ATP2C2: variants seen among roughly 807,000 people sequenced by gnomAD.
ATP2C2 encodes the protein calcium-transporting ATPase type 2C member 2.
A neutral mutation model predicts 110.8 loss-of-function variants in ATP2C2; 171 were observed. The ratio of observed to expected loss-of-function variants is 1.54; its 90% CI spans 1.36 to 1.75. The LOEUF is 1.75. Among genes scored for constraint, ATP2C2 ranks in the 40% most tolerant of loss-of-function variants. The pLI, the probability that ATP2C2 is intolerant of heterozygous loss-of-function variation, is 0.00. For synonymous variants in ATP2C2, 804 were observed against 508.4 expected (o/e 1.58, Z -7.82); for missense variants, 1,963 against 1,235.0 (o/e 1.59, Z -8.84).
intron 17 of ATP2C2, among the ~76,000 whole-genome samples, chr16:84,449,086 G>T (rs1490835247): frequency 6.8e-6 from 1 of 148,120 alleles, no homozygotes; most frequent in Admixed American, 6.7e-5. Context: ...AGCAGAGCCA[G>T]TGCCATCCCT....
At position 84,461,968 on chromosome 16, in the gene ATP2C2, G is replaced by C. The variant is rs187359571; in HGVS notation, c.2581-20G>C. On this transcript the variant is annotated intron_variant, in intron 25 of 26. Coordinates refer to ENST00000262429, the MANE Select transcript of ATP2C2 (RefSeq NM_014861.4). ...GGGTGTGGACAGCACACAATCCCCC[G>C]TGTGACCTTCTCCCTGCAGACCAAG... 2.5e-6 allele frequency: 4 copies of C among 1,611,924 alleles called. No homozygotes were observed. The highest frequency in any genetic ancestry group is 3.4e-6 in the Non-Finnish European group (4 of 1,178,430).
chr16:84,405,565 G>A (rs1905693247), intron 3 of ATP2C2, among the ~76,000 whole-genome samples: 1 of 152,206 alleles, frequency 6.6e-6, no homozygotes, highest in Admixed American at 6.5e-5. Context: ...AAGTGCAGAG[G>A]TTGAAAGATT....
In ATP2C2 at chr16:84,453,150, G is replaced by C. The variant is rs1910452469; in HGVS notation, c.1844G>C (p.Gly615Ala). The C allele has an allele frequency of 1.9e-6, 3 of 1,612,534 alleles. No individual in the cohort carries two copies. Among genetic ancestry groups the C allele is most frequent in the African/African-American group, 2.7e-5 (2 of 74,850 alleles). Residue 615 changes from glycine (G) to alanine (A), a missense_variant, in exon 19 of 27, where the codon GGC becomes GCC. By Grantham distance (60) the Gly-to-Ala change is moderately conservative. Coordinates refer to ENST00000262429, the MANE Select transcript of ATP2C2 (RefSeq NM_014861.4). ...GGTTCTTCTGAAGGAAGAAACATCG[G>C]CCTGTGCAACGGGAAGCTGCAAGCC... ...ETALAIGRNI[G>A]LCNGKLQAMS...
chr16:84,400,427 C>T (rs541653731), intron 2 of ATP2C2, among the ~76,000 whole-genome samples: 107 of 151,632 alleles, frequency 7.1e-4, no homozygotes, highest in Middle Eastern at 3.4e-3. Context: ...CCTGGGTTCA[C>T]GCCATTCTTC....
chr16:84,415,691 A>C, intron 7 of ATP2C2, 100 bp downstream of exon 7: 1 of 891,484 alleles, frequency 1.1e-6, no homozygotes, highest in Non-Finnish European at 1.7e-6. Context: ...TCTCATACAC[A>C]CATGCTCAAA....
At chr16:84,395,276 C>G (rs972262181) in intron 1 of ATP2C2, among the ~76,000 whole-genome samples, 6 of 152,100 alleles carry the variant, frequency 3.9e-5, no homozygotes, top group East Asian at 1.9e-4. Flanking sequence ...ATCCAACCCC[C>G]TCTCCCCTCC....
chr16:84,438,456 C>T (rs945710472), intron 11 of ATP2C2, among the ~76,000 whole-genome samples: 1 of 152,216 alleles, frequency 6.6e-6, no homozygotes. Context: ...CCTGTTGACA[C>T]ACCCAGAGAA....
chr16:84,450,995 C>A (rs529672351), intron 17 of ATP2C2, among the ~76,000 whole-genome samples: 1 of 152,254 alleles, frequency 6.6e-6, no homozygotes, highest in South Asian at 2.1e-4. Flanking sequence ...TGGGGTGGGT[C>A]TTATACCATG....
intron 26 of ATP2C2, chr16:84,462,332 G>C (rs527820587): frequency 4.6e-6 from 3 of 647,430 alleles, no homozygotes; most frequent in African/African-American, 3.6e-5. Flanking sequence ...GAAACCCCTA[G>C]GAAGAGGCCT....
intron 7 of ATP2C2, among the ~76,000 whole-genome samples, chr16:84,421,158 G>A (rs917789897): frequency 3.3e-5 from 5 of 152,170 alleles, no homozygotes; most frequent in Admixed American, 2.0e-4. Context: ...AATGTTCTTT[G>A]AGCCTCCTTC....
chr16:84,453,309 C>G lies in ATP2C2; in HGVS notation c.1930-12C>G. ...AAATCTGATTCTTCGTCTTCCCCGT[C>G]TCCGTGTCCAGGTGTCCGTGTTCTT... is the stretch of plus-strand genomic sequence containing the variant. On this transcript the variant is annotated splice_polypyrimidine_tract_variant and intron_variant, in intron 19 of 26. Coordinates refer to ENST00000262429, the MANE Select transcript of ATP2C2 (RefSeq NM_014861.4). 6.2e-7 allele frequency: 1 copy of G among 1,614,168 alleles called. No homozygotes were observed. Among genetic ancestry groups the G allele is most frequent in the Non-Finnish European group, 8.5e-7 (1 of 1,180,022 alleles).
Position 84,441,669 on chromosome 16 carries a change from C to G in ATP2C2, c.1311+711C>G, listed in dbSNP as rs144702881. ...GGCGTGGTGGCTCATGCCTATAATCCCAGCACTTTGGGAGGCCAAGGCGGG... is the reference window on the plus strand; with the variant it reads ...GGCGTGGTGGCTCATGCCTATAATCGCAGCACTTTGGGAGGCCAAGGCGGG... On this transcript the variant is annotated intron_variant, in intron 14 of 26. Coordinates refer to ENST00000262429, the MANE Select transcript of ATP2C2 (RefSeq NM_014861.4). 7.5e-3 allele frequency among the ~76,000 whole-genome samples: 1,148 copies of G among 152,324 alleles called. 4 individuals are homozygous for G. Among genetic ancestry groups the G allele is most frequent in the Middle Eastern group, 0.02 (6 of 294 alleles).
intron 18 of ATP2C2, among the ~76,000 whole-genome samples, chr16:84,452,732 CAG>C (rs1435372839): frequency 6.6e-6 from 1 of 152,062 alleles, no homozygotes; most frequent in African/African-American, 2.4e-5. Flanking sequence ...CTCCTGAACT[CAG>C]GGAATCTGCC....
rs779607597 is a variant in ATP2C2, at chr16:84,446,430, G to A, written c.1503G>A (p.Glu501=). Residue 501 remains glutamate, a splice_region_variant and synonymous_variant, in exon 16 of 27, where the codon GAG becomes GAA. Coordinates refer to ENST00000262429, the MANE Select transcript of ATP2C2 (RefSeq NM_014861.4). Reference sequence around the variant, plus strand: ...CGGTGAAATGCAGTCTGAAGACTGAGGTGAGACCTTTCAATCTTCAACCTC... The same window carrying A: ...CGGTGAAATGCAGTCTGAAGACTGAAGTGAGACCTTTCAATCTTCAACCTC... ...WMAVKCSLKT[E]DQEDIYFMKG... is the part of the protein sequence containing the mutation. 6 of 1,580,704 alleles carry A rather than the reference G, an allele frequency of 3.8e-6. No homozygotes were observed. The African/African-American group carries it at 8.2e-5, about 22-fold the overall frequency.
At position 84,463,739 on chromosome 16, in the gene ATP2C2, G is replaced by A. The variant is rs184733492; in HGVS notation, c.*7G>A. ...GCACCCTGAAGATGTGTAGTGGACC[G>A]CACTCCGCGGCACCTTCCCTAATCA... is the stretch of plus-strand genomic sequence containing the variant. On this transcript the variant is annotated 3_prime_UTR_variant, in exon 27 of 27. Transcript: ENST00000262429. The A allele has an allele frequency of 5.0e-5, 80 of 1,590,466 alleles. No homozygotes were observed. Among genetic ancestry groups the A allele is most frequent in the Admixed American group, 3.2e-4 (19 of 59,894 alleles).
At chr16:84,389,848 G>A (rs951222595) in intron 1 of ATP2C2, among the ~76,000 whole-genome samples, 1 of 151,706 alleles carries the variant, frequency 6.6e-6, no homozygotes, top group Non-Finnish European at 1.5e-5. Context: ...AGCCTCCCGA[G>A]TAGCTGGGAC....
chr16:84,387,363 T>C lies in ATP2C2; in HGVS notation c.100-11136T>C, dbSNP rs534368747. Among the ~76,000 whole-genome samples, 148 of 152,122 alleles carry C rather than the reference T, an allele frequency of 9.7e-4. 1 individual carries two copies. The highest frequency in any genetic ancestry group is 3.5e-3 in the African/African-American group (146 of 41,508). ...ATGGTGAAACCCGTCTCTACAAAAATTAGCCAGGCATGATGGCAGGTGCCT... is the reference window on the plus strand; with the variant it reads ...ATGGTGAAACCCGTCTCTACAAAAACTAGCCAGGCATGATGGCAGGTGCCT... On this transcript the variant is annotated intron_variant, in intron 1 of 26. Transcript: ENST00000262429.
rs201718782 is a variant in ATP2C2, at chr16:84,448,698, C to T, written c.1660+9C>T. On this transcript the variant is annotated intron_variant, in intron 17 of 26. Coordinates refer to ENST00000262429, the MANE Select transcript of ATP2C2 (RefSeq NM_014861.4). ...GTCGCTCGGTTTGCGGGGTCAGTGC[C>T]TGTGGTCCCGGCCCAGAGCTTTAAG... 1 of 1,607,546 alleles carries T rather than the reference C, an allele frequency of 6.2e-7. No homozygotes were observed. Among genetic ancestry groups the T allele is most frequent in the African/African-American group, 1.3e-5 (1 of 74,860 alleles).
rs1911637168 is a variant in ATP2C2 at position 84,463,732 on chromosome 16, G to C, written c.2841G>C (p.Ter947TyrextTer90). 1.9e-6 allele frequency: 3 copies of C among 1,609,018 alleles called. No individual in the cohort carries two copies. Among genetic ancestry groups the C allele is most frequent in the Non-Finnish European group, 2.6e-6 (3 of 1,175,428 alleles). Residue 947 changes from the stop codon to tyrosine, a stop_lost, in exon 27 of 27, where the codon TAG (stop) becomes TAC (tyrosine). Coordinates refer to ENST00000262429, the MANE Select transcript of ATP2C2 (RefSeq NM_014861.4). The part of the protein sequence containing the change: ...KRVQMHPEDV[*>Y] Reference sequence around the variant, plus strand: ...TCCAGATGCACCCTGAAGATGTGTAGTGGACCGCACTCCGCGGCACCTTCC... The same window carrying C: ...TCCAGATGCACCCTGAAGATGTGTACTGGACCGCACTCCGCGGCACCTTCC...
Sources: allele counts gnomAD v4.1 joint callset (sites outside exome capture counted in the v4.1 genomes callset), GRCh38; gene constraint gnomAD v4.1.1; transcripts MANE v1.5; gene names NCBI Gene and HGNC (gene_info 2026-07-23, HGNC 2026-07-21).